The following CREBZF variants were observed in gnomAD, a reference collection of about 807,000 sequenced individuals.
CREBZF encodes the protein CREB/ATF bZIP transcription factor.
Under a neutral mutation model 21.1 loss-of-function variants are expected in CREBZF, and 8 were observed. The ratio of observed to expected loss-of-function variants is 0.38; its 90% CI spans 0.22 to 0.68. CREBZF has a LOEUF of 0.68. Ranked by LOEUF, CREBZF falls within the 30% of genes least tolerant of loss-of-function variation. The pLI, the probability that CREBZF is intolerant of heterozygous loss-of-function variation, is 0.51. For missense variants in CREBZF, 518 were observed against 484.3 expected (o/e 1.07, Z -0.65); for synonymous variants, 270 against 223.3 (o/e 1.21, Z -1.86).
chr11:85,679,106 G>A (rs1415212342), intron 1 of CREBZF, among the ~76,000 whole-genome samples: 1 of 152,154 alleles, frequency 6.6e-6, no homozygotes, highest in Non-Finnish European at 1.5e-5. Context: ...TACAGCTGTT[G>A]GAAAGGCAGT....
rs1268161431 is a variant in CREBZF at position 85,661,128 on chromosome 11, T to G, written c.*2683A>C. ...TGAATCGGACACTTTAAGATATTGTTTACTACATACTGAAATAAACAGATC... is the reference window on the plus strand; with the variant it reads ...TGAATCGGACACTTTAAGATATTGTGTACTACATACTGAAATAAACAGATC... On this transcript the variant is annotated 3_prime_UTR_variant, in exon 1 of 1. Coordinates refer to ENST00000527447, the MANE Select transcript of CREBZF (RefSeq NM_001039618.4). The G allele has an allele frequency of 2.0e-5, 3 of 152,980 alleles. No individual in the cohort carries two copies. The highest frequency in any genetic ancestry group is 4.4e-5 in the Non-Finnish European group (3 of 68,310). 9.5% of individuals were successfully genotyped at this position (152,980 alleles called of 1,614,324 possible).
Position 85,664,954 on chromosome 11 carries a change from G to T in CREBZF, c.-79C>A. ...GGCCCCAAGGATCCCAGGCCCCAGG[G>T]CGGGTAGCCCCCGGCACTGGCCGAA... On this transcript the variant is annotated 5_prime_UTR_variant, in exon 1 of 1. Transcript: ENST00000527447. This position sits in a 1 kb window ranked among gnomAD's most constrained non-coding sequence, Gnocchi z 5.5. 9.2e-7 allele frequency: 1 copy of T among 1,090,450 alleles called. No individual in the cohort carries two copies. Among genetic ancestry groups the T allele is most frequent in the Non-Finnish European group, 1.2e-6 (1 of 814,624 alleles). 67.5% of individuals were successfully genotyped at this position (1,090,450 alleles called of 1,614,324 possible). A position where few individuals can be genotyped will look rare whatever the true frequency, so the allele number is the denominator to read the frequency against.
chr11:85,673,542 C>T (rs779693963), intron 1 of CREBZF, among the ~76,000 whole-genome samples: 8 of 152,182 alleles, frequency 5.3e-5, no homozygotes, highest in Non-Finnish European at 1.0e-4. Flanking sequence ...CAGTGAGTCA[C>T]AATCTTTTTG....
upstream of CREBZF, among the ~76,000 whole-genome samples, chr11:85,669,141 C>T (rs1361745828): frequency 6.7e-6 from 1 of 148,766 alleles, no homozygotes; most frequent in Non-Finnish European, 1.5e-5. Context: ...AACTATACTC[C>T]AAGTCTTTGG....
At chr11:85,665,993 C>T (rs2082856038), upstream of CREBZF, among the ~76,000 whole-genome samples, 4 of 152,194 alleles carry the variant, frequency 2.6e-5, no homozygotes, top group South Asian at 8.3e-4. Flanking sequence ...CTGACGTCAC[C>T]CTTGTTATTG....
Position 85,664,349 on chromosome 11 carries a change from C to T in CREBZF, c.527G>A (p.Ser176Asn), listed in dbSNP as rs746287684. Residue 176 changes from serine (S) to asparagine (N), a missense_variant, in exon 1 of 1, where the codon AGC (serine) becomes AAC (asparagine). Transcript: ENST00000527447. This position sits in a 1 kb window ranked among gnomAD's most constrained non-coding sequence, Gnocchi z 5.5. ...LLNGIGGCSS[S>N]SDSGSAEKRR... Reference sequence around the variant, plus strand: ...CTTTTCGGCGCTGCCACTGTCACTGCTGCTGCTGCAGCCTCCGATACCGTT... The same window carrying T: ...CTTTTCGGCGCTGCCACTGTCACTGTTGCTGCTGCAGCCTCCGATACCGTT... 6.2e-7 allele frequency: 1 copy of T among 1,613,098 alleles called. No individual in the cohort carries two copies.
At chr11:85,682,218 C>CT (rs1003479239) in intron 1 of CREBZF, among the ~76,000 whole-genome samples, 8 of 151,870 alleles carry the variant, frequency 5.3e-5, no homozygotes, top group East Asian at 3.9e-4. Context: ...CTTAGTCTCC[C>CT]TTTTTTTTCA....
intron 1 of CREBZF, among the ~76,000 whole-genome samples, chr11:85,678,015 A>T (rs1008066705): frequency 1.4e-4 from 21 of 152,238 alleles, no homozygotes; most frequent in African/African-American, 4.6e-4. Context: ...CTCTTTAATT[A>T]TAATTAATCT....
rs770349667 is a variant in CREBZF at position 85,664,811 on chromosome 11, C to T, written c.65G>A (p.Ser22Asn). ...SGSNSPTRSE[S>N]PEPAATCSLP... ...CGAACAAGTTGCAGCCGGCTCCGGG[C>T]TCTCACTGCGGGTTGGGGAGTTGCT... The change falls in exon 1 of 1, where the codon AGC becomes AAC. Residue 22 changes from serine to asparagine, a missense_variant. Around this residue, in one of 3 missense-constraint regions of CREBZF, gnomAD observed 396 missense variants for 324.4 expected, o/e 1.22. Coordinates refer to ENST00000527447, the MANE Select transcript of CREBZF (RefSeq NM_001039618.4). This position sits in a 1 kb window ranked among gnomAD's most constrained non-coding sequence, Gnocchi z 5.5. 1.3e-6 allele frequency: 2 copies of T among 1,566,754 alleles called. No individual in the cohort carries two copies. Among genetic ancestry groups the T allele is most frequent in the African/African-American group, 1.4e-5 (1 of 73,164 alleles).
In CREBZF at chr11:85,662,419, C is replaced by G; in HGVS notation, c.*1392G>C. 1.4e-6 allele frequency: 1 copy of G among 717,190 alleles called. No individual in the cohort carries two copies. The highest frequency in any genetic ancestry group is 1.7e-5 in the African/African-American group (1 of 57,370). 44.4% of individuals were successfully genotyped at this position (717,190 alleles called of 1,614,324 possible). A position where few individuals can be genotyped will look rare whatever the true frequency, so the allele number is the denominator to read the frequency against. On this transcript the variant is annotated 3_prime_UTR_variant, in exon 1 of 1. Transcript: ENST00000527447. Reference sequence around the variant, plus strand: ...AAAATAAAGCAGGAAATGTGGCCAGCAGCTGGTCCCGTCTCTTCTGCCCCA... The same window carrying G: ...AAAATAAAGCAGGAAATGTGGCCAGGAGCTGGTCCCGTCTCTTCTGCCCCA...
upstream of CREBZF, among the ~76,000 whole-genome samples, chr11:85,665,369 G>C (rs2082845135): frequency 6.6e-6 from 1 of 151,920 alleles, no homozygotes; most frequent in Non-Finnish European, 1.5e-5. Context: ...ATAAATGCTT[G>C]TAAATTTTTT....
At position 85,661,634 on chromosome 11, in the gene CREBZF, T is replaced by TA. The variant is rs1386315849; in HGVS notation, c.*2176dup. ...GTTATAGTTTTTAGAAAAATGAACTTACTGCTTTCCAGAACCTTTTAAGAC... is the reference window on the plus strand; with the variant it reads ...GTTATAGTTTTTAGAAAAATGAACTTAACTGCTTTCCAGAACCTTTTAAGAC... On this transcript the variant is annotated 3_prime_UTR_variant, in exon 1 of 1. Transcript: ENST00000527447. The TA allele has an allele frequency of 1.3e-5, 2 of 152,592 alleles. No individual in the cohort carries two copies. Among genetic ancestry groups the TA allele is most frequent in the South Asian group, 2.1e-4 (1 of 4,832 alleles). The allele number at this position is 152,592 out of a possible 1,614,324, so 9.5% of individuals were successfully genotyped here. A position where few individuals can be genotyped will look rare whatever the true frequency, so the allele number is the denominator to read the frequency against.
Position 85,658,669 on chromosome 11 carries a change from C to A in CREBZF, c.*5142G>T. ...GGCTTAAAAAAAAAAAAAGAGGGCTCACATTCTATTTAAATTAAGACAATA... is the reference window on the plus strand; with the variant it reads ...GGCTTAAAAAAAAAAAAAGAGGGCTAACATTCTATTTAAATTAAGACAATA... On this transcript the variant is annotated 3_prime_UTR_variant, in exon 1 of 1. Coordinates refer to ENST00000527447, the MANE Select transcript of CREBZF (RefSeq NM_001039618.4). Among the ~76,000 whole-genome samples the A allele has an allele frequency of 6.6e-6, 1 of 150,596 alleles. No homozygotes were observed. The highest frequency in any genetic ancestry group is 2.4e-5 in the African/African-American group (1 of 41,030).
chr11:85,665,148 C>T (rs944644820), upstream of CREBZF: 17 of 399,422 alleles, frequency 4.3e-5, no homozygotes, highest in Non-Finnish European at 7.3e-5. Flanking sequence ...TCGCCCCAGT[C>T]CCGCCCACCG....
At chr11:85,669,757 G>A (rs892153125), upstream of CREBZF, among the ~76,000 whole-genome samples, 4 of 152,148 alleles carry the variant, frequency 2.6e-5, no homozygotes, top group Admixed American at 6.5e-5. Context: ...TAGGACATGT[G>A]TTCGTATACA....
At chr11:85,670,223 C>T (rs978067093) in intron 1 of CREBZF, among the ~76,000 whole-genome samples, 1 of 151,476 alleles carries the variant, frequency 6.6e-6, no homozygotes, top group African/African-American at 2.4e-5. Context: ...ATGTAGAGGG[C>T]CATTGATACT....
Position 85,662,514 on chromosome 11 carries a change from A to T in CREBZF, c.*1297T>A. 1.4e-6 allele frequency: 1 copy of T among 689,964 alleles called. No homozygotes were observed. The highest frequency in any genetic ancestry group is 2.7e-6 in the Non-Finnish European group (1 of 369,992). 42.7% of individuals were successfully genotyped at this position (689,964 alleles called of 1,614,324 possible). On this transcript the variant is annotated 3_prime_UTR_variant, in exon 1 of 1. Coordinates refer to ENST00000527447, the MANE Select transcript of CREBZF (RefSeq NM_001039618.4). ...TACGTATATACTTTATCAAGCAGTG[A>T]TGTTTCACAAAGAATTTCTTAATGC... is the stretch of plus-strand genomic sequence containing the variant.
intron 1 of CREBZF, among the ~76,000 whole-genome samples, chr11:85,675,182 A>G (rs2082934415): frequency 6.6e-6 from 1 of 152,122 alleles, no homozygotes; most frequent in African/African-American, 2.4e-5. Flanking sequence ...TTTTTTCTCA[A>G]AAATATTTCC....
chr11:85,676,177 C>G (rs946516343), intron 1 of CREBZF, among the ~76,000 whole-genome samples: 1 of 152,160 alleles, frequency 6.6e-6, no homozygotes, highest in African/African-American at 2.4e-5. Context: ...TTGAGAATTG[C>G]TGCTTCAGTG....
Sources: allele counts gnomAD v4.1 joint callset (sites outside exome capture counted in the v4.1 genomes callset), GRCh38; gene constraint gnomAD v4.1.1; regional missense constraint gnomAD v4.1.1; non-coding constraint Gnocchi (gnomAD v3.1); transcripts MANE v1.5; gene names NCBI Gene and HGNC (gene_info 2026-07-23, HGNC 2026-07-21).